SMOC2: variants seen among roughly 807,000 people sequenced by gnomAD.
The protein encoded by SMOC2 is SPARC-related modular calcium-binding protein 2.
SMOC2 carries 39 observed loss-of-function variants against 61.4 expected under a neutral mutation model. That is an observed-to-expected ratio of 0.64 (90% CI 0.49 to 0.83). SMOC2 has a LOEUF of 0.83. SMOC2 is among the 40% of genes least tolerant of loss of function. The pLI, the probability that SMOC2 is intolerant of heterozygous loss-of-function variation, is 0.00. For synonymous variants in SMOC2, 247 were observed against 239.9 expected (o/e 1.03, Z -0.27); for missense variants, 556 against 592.9 (o/e 0.94, Z 0.65).
At chr6:168,554,080 G>A (rs1784190850) in intron 7 of SMOC2, among the ~76,000 whole-genome samples, 1 of 150,090 alleles carries the variant, frequency 6.7e-6, no homozygotes, top group African/African-American at 2.5e-5. Flanking sequence ...TCACATTTTG[G>A]TAGGAGGATT....
intron 1 of SMOC2, among the ~76,000 whole-genome samples, chr6:168,470,231 G>C (rs1423024365): frequency 2.0e-5 from 3 of 152,202 alleles, no homozygotes; most frequent in African/African-American, 7.2e-5. Flanking sequence ...GCCAGTATCA[G>C]TCTCTGCTGT....
chr6:168,620,207 C>T (rs939027281), intron 9 of SMOC2, among the ~76,000 whole-genome samples: 1 of 152,154 alleles, frequency 6.6e-6, no homozygotes, highest in African/African-American at 2.4e-5. Flanking sequence ...CTTGGAAGCG[C>T]TTATCTTCCT....
rs11969664 is a variant in SMOC2 at position 168,618,410 on chromosome 6, G to A, written c.907+10171G>A. ...ATTAAGAGGAGAGTGGAGGAAAGGC[G>A]GGTAGTGGCATTAGGAGAGTGGAGG... On this transcript the variant is annotated intron_variant, in intron 9 of 12. Coordinates refer to ENST00000356284, the MANE Select transcript of SMOC2 (RefSeq NM_001166412.2). 8.7e-4 allele frequency among the ~76,000 whole-genome samples: 91 copies of A among 104,910 alleles called. 1 individual carries two copies. The highest frequency in any genetic ancestry group is 3.2e-3 in the African/African-American group (87 of 27,312). The allele number at this position is 104,910 out of a possible 152,430, so 68.8% of individuals were successfully genotyped here. A position where few individuals can be genotyped will look rare whatever the true frequency, so the allele number is the denominator to read the frequency against.
chr6:168,650,369 G>A (rs756607065), intron 9 of SMOC2, among the ~76,000 whole-genome samples: 4 of 152,140 alleles, frequency 2.6e-5, no homozygotes, highest in East Asian at 1.9e-4. Flanking sequence ...CTAAGCACCC[G>A]GTGCCTCTGC....
At chr6:168,589,745 A>G in intron 7 of SMOC2, among the ~76,000 whole-genome samples, 1 of 120,926 alleles carries the variant, frequency 8.3e-6, no homozygotes, top group East Asian at 2.5e-4. Context: ...GGTGGTGGTC[A>G]GGTGTGGCAT....
At chr6:168,450,573 T>C (rs1781437505) in intron 1 of SMOC2, among the ~76,000 whole-genome samples, 1 of 152,152 alleles carries the variant, frequency 6.6e-6, no homozygotes. Flanking sequence ...GTATTTGGGG[T>C]GTTTGTGTAG....
intron 2 of SMOC2, 114 bp downstream of exon 2, chr6:168,510,200 G>C: frequency 9.5e-7 from 1 of 1,055,114 alleles, no homozygotes; most frequent in Non-Finnish European, 1.3e-6. Context: ...GGTTTATGTT[G>C]GCTCTTTTTT....
intron 4 of SMOC2, among the ~76,000 whole-genome samples, chr6:168,532,181 C>T (rs1009941645): frequency 6.6e-6 from 1 of 151,824 alleles, no homozygotes; most frequent in East Asian, 1.9e-4. Flanking sequence ...GAGATGTATG[C>T]ACTCCTCAGG....
intron 7 of SMOC2, among the ~76,000 whole-genome samples, chr6:168,570,809 G>A (rs1309665941): frequency 1.3e-5 from 2 of 152,252 alleles, no homozygotes. Context: ...AAAGGTAGAT[G>A]TCTAATTATT....
chr6:168,470,647 A>C (rs1036344541), intron 1 of SMOC2, among the ~76,000 whole-genome samples: 18 of 152,216 alleles, frequency 1.2e-4, no homozygotes, highest in African/African-American at 4.3e-4. Flanking sequence ...CCTGCACTCC[A>C]GTCTGGGTGA....
intron 1 of SMOC2, among the ~76,000 whole-genome samples, chr6:168,491,643 A>G (rs1236797795): frequency 1.3e-5 from 2 of 152,204 alleles, no homozygotes; most frequent in African/African-American, 4.8e-5. Flanking sequence ...TTTAAACCAA[A>G]ACATTAATTT....
intron 9 of SMOC2, among the ~76,000 whole-genome samples, chr6:168,619,963 C>T (rs1443909247): frequency 6.6e-6 from 1 of 152,178 alleles, no homozygotes; most frequent in Non-Finnish European, 1.5e-5. Flanking sequence ...TTGTCCAGCT[C>T]GCTCTCAAGG....
intron 9 of SMOC2, among the ~76,000 whole-genome samples, chr6:168,624,877 A>G (rs1230912112): frequency 6.6e-6 from 1 of 151,764 alleles, no homozygotes; most frequent in African/African-American, 2.4e-5. Context: ...ACAGAAACAC[A>G]CACACAAACA....
intron 6 of SMOC2, among the ~76,000 whole-genome samples, chr6:168,548,071 G>A (rs1205618013): frequency 6.6e-6 from 1 of 152,212 alleles, no homozygotes; most frequent in African/African-American, 2.4e-5. Context: ...AGGGCAAAGT[G>A]TAAGGAGTAC....
intron 7 of SMOC2, among the ~76,000 whole-genome samples, chr6:168,585,956 T>G (rs1785039306): frequency 1.3e-5 from 2 of 152,228 alleles, no homozygotes; most frequent in Admixed American, 1.3e-4. Flanking sequence ...GCCTTTTCGT[T>G]TTCTTAATGG....
intron 7 of SMOC2, among the ~76,000 whole-genome samples, chr6:168,575,375 C>T (rs76077843): frequency 6.6e-6 from 1 of 152,192 alleles, no homozygotes; most frequent in Non-Finnish European, 1.5e-5. Context: ...CTCTTACTCT[C>T]CTAGCATATC....
At chr6:168,446,233 C>T (rs942898784) in intron 1 of SMOC2, among the ~76,000 whole-genome samples, 3 of 152,076 alleles carry the variant, frequency 2.0e-5, no homozygotes, top group East Asian at 3.9e-4. Context: ...TGTGGTGACA[C>T]GCACCTGTAG....
At chr6:168,540,045 C>T (rs532605881) in intron 4 of SMOC2, among the ~76,000 whole-genome samples, 2 of 152,320 alleles carry the variant, frequency 1.3e-5, no homozygotes, top group South Asian at 4.1e-4. Context: ...GATTGGCACA[C>T]AGTAAGAGCT....
chr6:168,623,778 C>T (rs918925215), intron 9 of SMOC2, among the ~76,000 whole-genome samples: 1 of 152,104 alleles, frequency 6.6e-6, no homozygotes, highest in African/African-American at 2.4e-5. Context: ...ATAGAGACCC[C>T]CTATCCCCCC....
Sources: allele counts gnomAD v4.1 joint callset (sites outside exome capture counted in the v4.1 genomes callset), GRCh38; gene constraint gnomAD v4.1.1; transcripts MANE v1.5; gene names NCBI Gene and HGNC (gene_info 2026-07-23, HGNC 2026-07-21).